Variants in EIF3H observed in about 807,000 individuals in gnomAD.
EIF3H encodes the protein eukaryotic translation initiation factor 3 subunit H.
EIF3H carries 26 observed loss-of-function variants against 44.2 expected under a neutral mutation model. The ratio of observed to expected loss-of-function variants is 0.59; its 90% CI spans 0.43 to 0.82. The LOEUF (loss-of-function observed/expected upper bound fraction) is 0.82, where lower values mean the gene tolerates loss of function less well. Among genes scored for constraint, EIF3H ranks in the 40% least tolerant of loss-of-function variants. The pLI is 0.00. For missense variants in EIF3H, 359 were observed against 432.8 expected, an observed-to-expected ratio of 0.83 and a Z score of 1.51; for synonymous variants, 166 against 151.9, an observed-to-expected ratio of 1.09 and a Z score of -0.68.
At chr8:116,666,980 T>C (rs949658287) in intron 2 of EIF3H, among the ~76,000 whole-genome samples, 53 of 152,318 alleles carry the variant, frequency 3.5e-4, no homozygotes, top group African/African-American at 1.2e-3. Flanking sequence ...TGTGTGCATG[T>C]GTACACGCTC....
chr8:116,689,392 G>A (rs1814134456), intron 2 of EIF3H, among the ~76,000 whole-genome samples: 1 of 152,010 alleles, frequency 6.6e-6, no homozygotes, highest in Admixed American at 6.6e-5. Flanking sequence ...CTTTAAACGG[G>A]TGAACTATAG....
At chr8:116,754,485 AAACTCTGCT>A (rs1489542806) in intron 1 of EIF3H, among the ~76,000 whole-genome samples, 2 of 152,246 alleles carry the variant, frequency 1.3e-5, no homozygotes, top group Non-Finnish European at 2.9e-5. Flanking sequence ...TGCATCTTTC[AAACTCTGCT>A]AACCACAGAC....
At chr8:116,672,087 C>G (rs191056578) in intron 2 of EIF3H, among the ~76,000 whole-genome samples, 1,875 of 152,210 alleles carry the variant, frequency 0.012, 82 homozygotes, top group Admixed American at 0.09. Flanking sequence ...AATAGTAAAA[C>G]AGCAATGAGT....
At chr8:116,726,913 T>C (rs1321402752) in intron 1 of EIF3H, among the ~76,000 whole-genome samples, 6 of 152,172 alleles carry the variant, frequency 3.9e-5, no homozygotes, top group Admixed American at 3.9e-4. Context: ...CGTTAATATA[T>C]GTAAAGTGTT....
intron 1 of EIF3H, among the ~76,000 whole-genome samples, chr8:116,727,057 A>C (rs1176895408): frequency 6.6e-6 from 1 of 152,232 alleles, no homozygotes; most frequent in Non-Finnish European, 1.5e-5. Flanking sequence ...TAACAAGAAA[A>C]TGACAATTTA....
Position 116,643,690 on chromosome 8 carries a change from T to C in EIF3H, c.*1316A>G, listed in dbSNP as rs1356021643. 6.6e-6 allele frequency: 1 copy of C among 152,118 alleles called. No homozygotes were observed. Among genetic ancestry groups the C allele is most frequent in the Non-Finnish European group, 1.5e-5 (1 of 68,032 alleles). The allele number at this position is 152,118 out of a possible 1,614,324, so 9.4% of individuals were successfully genotyped here. A position where few individuals can be genotyped will look rare whatever the true frequency, so the allele number is the denominator to read the frequency against. On this transcript the variant is annotated 3_prime_UTR_variant, in exon 8 of 8. Transcript: ENST00000521861. ...TAACTTAGGAAAAGGAGGAGCCAGG[T>C]TTCAATCTGGCTGCCTGATCCCAGA...
At chr8:116,724,096 A>C (rs1249309976) in intron 2 of EIF3H, among the ~76,000 whole-genome samples, 1 of 152,216 alleles carries the variant, frequency 6.6e-6, no homozygotes, top group African/African-American at 2.4e-5. Context: ...TCTGACATTA[A>C]GACAGACATA....
In EIF3H at chr8:116,725,940, C is replaced by T. The variant is rs1432929294; in HGVS notation, c.289+76G>A. 6.1e-6 allele frequency: 9 copies of T among 1,464,894 alleles called. No homozygotes were observed. In the East Asian group the frequency reaches 1.7e-4, roughly 27 times the overall value. 90.7% of individuals were successfully genotyped at this position (1,464,894 alleles called of 1,614,324 possible). A position where few individuals can be genotyped will look rare whatever the true frequency, so the allele number is the denominator to read the frequency against. ...GACAGATTCCCAATTCACACATTATCAAAAGTTATGGTGAGACCTGTGTCA... is the reference window on the plus strand; with the variant it reads ...GACAGATTCCCAATTCACACATTATTAAAAGTTATGGTGAGACCTGTGTCA... On this transcript the variant is annotated intron_variant, in intron 2 of 7. Transcript: ENST00000521861.
intron 2 of EIF3H, among the ~76,000 whole-genome samples, chr8:116,674,392 G>A (rs1338850293): frequency 6.6e-6 from 1 of 151,998 alleles, no homozygotes; most frequent in Non-Finnish European, 1.5e-5. Flanking sequence ...AGTGGATGGG[G>A]AGGCACTGTG....
intron 1 of EIF3H, among the ~76,000 whole-genome samples, chr8:116,744,113 G>A (rs1198042013): frequency 1.3e-5 from 2 of 151,446 alleles, no homozygotes; most frequent in Admixed American, 6.6e-5. Context: ...AGTCAAAGAC[G>A]ATACCAGAAG....
upstream of EIF3H, chr8:116,755,891 G>C (rs1815439295): frequency 6.4e-7 from 1 of 1,567,466 alleles, no homozygotes; most frequent in Admixed American, 1.8e-5. Flanking sequence ...GCGTTCGAGG[G>C]GCGGAGACGG....
chr8:116,681,809 A>G (rs185955088), intron 2 of EIF3H, among the ~76,000 whole-genome samples: 1 of 152,326 alleles, frequency 6.6e-6, no homozygotes, highest in East Asian at 1.9e-4. Context: ...TGTTCTGATA[A>G]TTTTATTATT....
In EIF3H at chr8:116,643,206, T is replaced by C. The variant is rs1264735496; in HGVS notation, c.*1800A>G. 4 of 152,226 alleles carry C rather than the reference T, an allele frequency of 2.6e-5. No individual in the cohort carries two copies. Among genetic ancestry groups the C allele is most frequent in the Non-Finnish European group, 5.9e-5 (4 of 68,038 alleles). The allele number at this position is 152,226 out of a possible 1,614,324, so 9.4% of individuals were successfully genotyped here. On this transcript the variant is annotated 3_prime_UTR_variant, in exon 8 of 8. Coordinates refer to ENST00000521861, the MANE Select transcript of EIF3H (RefSeq NM_003756.3). ...GTTTTACCTGTTAATATATCCCTTCTGTCTAACACAGTCACACTCAAATTT... is the reference window on the plus strand; with the variant it reads ...GTTTTACCTGTTAATATATCCCTTCCGTCTAACACAGTCACACTCAAATTT...
At chr8:116,747,431 A>G (rs1420237982) in intron 1 of EIF3H, among the ~76,000 whole-genome samples, 1 of 152,230 alleles carries the variant, frequency 6.6e-6, no homozygotes, top group Non-Finnish European at 1.5e-5. Context: ...CTCTGACTAA[A>G]GCAGCAGAAA....
intron 1 of EIF3H, among the ~76,000 whole-genome samples, chr8:116,745,014 G>A (rs1217139327): frequency 1.3e-5 from 2 of 152,184 alleles, no homozygotes; most frequent in Non-Finnish European, 2.9e-5. Flanking sequence ...AACCAATGAA[G>A]TCCAAGATAT....
Position 116,642,845 on chromosome 8 carries a change from G to C in EIF3H, c.*2161C>G, listed in dbSNP as rs1813241685. 6.6e-6 allele frequency: 1 copy of C among 152,138 alleles called. No individual in the cohort carries two copies. Among genetic ancestry groups the C allele is most frequent in the South Asian group, 2.1e-4 (1 of 4,834 alleles). 9.4% of individuals were successfully genotyped at this position (152,138 alleles called of 1,614,324 possible). The stretch of plus-strand genomic sequence containing the variant: ...TTCCACTGACATGTTTTCCTAAACA[G>C]TTTTTCCCACTATGATTAATTCCCA... On this transcript the variant is annotated 3_prime_UTR_variant, in exon 8 of 8. Coordinates refer to ENST00000521861, the MANE Select transcript of EIF3H (RefSeq NM_003756.3).
chr8:116,730,227 T>C (rs1307162122), intron 1 of EIF3H, among the ~76,000 whole-genome samples: 1 of 152,194 alleles, frequency 6.6e-6, no homozygotes, highest in Non-Finnish European at 1.5e-5. Context: ...GCTCGGGAAC[T>C]GCTCTGTGGC....
intron 2 of EIF3H, among the ~76,000 whole-genome samples, chr8:116,684,075 G>A (rs73324034): frequency 0.04 from 6,084 of 152,234 alleles, 422 homozygotes; most frequent in African/African-American, 0.14. Flanking sequence ...GTTTAGAAAA[G>A]AGAAAAATAA....
intron 2 of EIF3H, chr8:116,689,001 A>G: frequency 2.6e-6 from 1 of 384,028 alleles, no homozygotes; most frequent in Admixed American, 3.0e-5. Flanking sequence ...TTTTGTACAC[A>G]CAGATTTACA....
Sources: gnomAD v4.1 joint callset for allele counts (sites outside exome capture counted in the v4.1 genomes callset) on GRCh38, gnomAD v4.1.1 for gene constraint, MANE v1.5 for transcripts, NCBI Gene and HGNC (gene_info 2026-07-23, HGNC 2026-07-21) for gene names.